Variants in ZNF423 observed in about 807,000 individuals in gnomAD.
The protein encoded by ZNF423 is Ebf-associated zinc finger protein.
In ZNF423, 12 loss-of-function variants were observed where a neutral mutation model predicts 95.8. That is an observed-to-expected ratio of 0.13 (90% CI 0.08 to 0.20). The LOEUF (loss-of-function observed/expected upper bound fraction) is 0.20. ZNF423 is among the 10% of genes least tolerant of loss of function. The probability of loss-of-function intolerance (pLI) is 1.00; values close to 1 mark genes in which losing one functional copy is unlikely to be tolerated. For synonymous variants in ZNF423, 749 were observed against 711.9 expected (o/e 1.05, Z -0.83); for missense variants, 1,316 against 1,737.1 (o/e 0.76, Z 4.31).
At chr16:49,517,765 C>G in intron 7 of ZNF423, 1 of 321,256 alleles carries the variant, frequency 3.1e-6, no homozygotes. Context: ...GAAGTTATCA[C>G]TTGGGCTACT....
intron 1 of ZNF423, among the ~76,000 whole-genome samples, chr16:49,814,713 C>T (rs1463727510): frequency 6.6e-6 from 1 of 151,498 alleles, no homozygotes; most frequent in Non-Finnish European, 1.5e-5. Context: ...AAAATTAATC[C>T]GCAATGAGTT....
At chr16:49,745,140 G>A (rs2033495796) in intron 2 of ZNF423, among the ~76,000 whole-genome samples, 1 of 152,040 alleles carries the variant, frequency 6.6e-6, no homozygotes, top group South Asian at 2.1e-4. Context: ...TTCCATGCAG[G>A]AAAGGTTATT....
At chr16:49,845,665 T>C (rs1216660043) in intron 1 of ZNF423, among the ~76,000 whole-genome samples, 1 of 151,908 alleles carries the variant, frequency 6.6e-6, no homozygotes, top group Non-Finnish European at 1.5e-5. Flanking sequence ...CTTAGCCTCC[T>C]AAGTAGCTGG....
chr16:49,585,520 T>A (rs1240355396), intron 5 of ZNF423, among the ~76,000 whole-genome samples: 1 of 152,226 alleles, frequency 6.6e-6, no homozygotes, highest in Admixed American at 6.5e-5. Context: ...TTTGTTCATG[T>A]GTGAGATGCA....
intron 3 of ZNF423, among the ~76,000 whole-genome samples, chr16:49,687,160 C>G (rs1299656170): frequency 1.3e-5 from 2 of 152,174 alleles, no homozygotes; most frequent in Admixed American, 1.3e-4. Flanking sequence ...TTAACATCCA[C>G]TAATAAACAG....
At chr16:49,498,892 G>A (rs1967269429) in intron 7 of ZNF423, among the ~76,000 whole-genome samples, 1 of 152,212 alleles carries the variant, frequency 6.6e-6, no homozygotes, top group Non-Finnish European at 1.5e-5. Flanking sequence ...CTGACAAACG[G>A]TAAGCATACT....
intron 2 of ZNF423, among the ~76,000 whole-genome samples, chr16:49,777,053 C>A (rs1384866367): frequency 1.3e-5 from 2 of 152,100 alleles, no homozygotes; most frequent in Non-Finnish European, 2.9e-5. Flanking sequence ...TGTGAACACA[C>A]TCCTGTATGC....
At position 49,491,193 on chromosome 16, in the gene ZNF423, G is replaced by T; in HGVS notation, c.*82C>A. The T allele has an allele frequency of 6.4e-7, 1 of 1,557,614 alleles. No homozygotes were observed. Among genetic ancestry groups the T allele is most frequent in the Non-Finnish European group, 8.9e-7 (1 of 1,129,564 alleles). Reference sequence around the variant, plus strand: ...ACATCTGGGTTGCAAATGACACTTTGATTGGATGTAATGTTCAAATGGCCC... The same window carrying T: ...ACATCTGGGTTGCAAATGACACTTTTATTGGATGTAATGTTCAAATGGCCC... On this transcript the variant is annotated 3_prime_UTR_variant, in exon 8 of 8. Transcript: ENST00000563137.
chr16:49,822,733 G>T, intron 1 of ZNF423: 1 of 1,601,422 alleles, frequency 6.2e-7, no homozygotes, highest in Non-Finnish European at 8.5e-7. Context: ...TCTCCAGGAA[G>T]TTTTCCTGGG....
intron 5 of ZNF423, among the ~76,000 whole-genome samples, chr16:49,604,682 A>G (rs1301718224): frequency 5.3e-5 from 8 of 151,848 alleles, no homozygotes; most frequent in Non-Finnish European, 1.2e-4. Flanking sequence ...CCCTGTCCCA[A>G]CTTCCAGTCT....
At chr16:49,493,348 C>G (rs554817244) in intron 7 of ZNF423, among the ~76,000 whole-genome samples, 1 of 152,192 alleles carries the variant, frequency 6.6e-6, no homozygotes, top group Non-Finnish European at 1.5e-5. Context: ...CACACAGCCA[C>G]GCACCTCTCA....
chr16:49,655,184 A>T (rs1398147707), intron 3 of ZNF423, among the ~76,000 whole-genome samples: 2 of 152,174 alleles, frequency 1.3e-5, no homozygotes, highest in African/African-American at 2.4e-5. Flanking sequence ...CTTGGGTATC[A>T]GTGGGAGAAG....
intron 1 of ZNF423, among the ~76,000 whole-genome samples, chr16:49,836,205 C>T (rs2035118239): frequency 6.6e-6 from 1 of 152,188 alleles, no homozygotes; most frequent in South Asian, 2.1e-4. Context: ...GGCCTTGAAC[C>T]TTGCTGGGTG....
intron 1 of ZNF423, among the ~76,000 whole-genome samples, chr16:49,842,192 C>T (rs765988829): frequency 2.8e-5 from 4 of 142,564 alleles, no homozygotes; most frequent in Non-Finnish European, 6.1e-5. Flanking sequence ...GAACCGAGAT[C>T]GTGGCACTGC....
chr16:49,657,183 G>A (rs2029920557), intron 3 of ZNF423, among the ~76,000 whole-genome samples: 1 of 152,240 alleles, frequency 6.6e-6, no homozygotes, highest in Non-Finnish European at 1.5e-5. Context: ...GACTTCCACA[G>A]ACAAGCGGCA....
intron 1 of ZNF423, among the ~76,000 whole-genome samples, chr16:49,843,351 T>C (rs1430331398): frequency 1.3e-5 from 2 of 152,228 alleles, no homozygotes; most frequent in Admixed American, 6.5e-5. Flanking sequence ...CAGATTTATA[T>C]ACTCTAGGTG....
chr16:49,832,128 G>A (rs2035067270), intron 1 of ZNF423, among the ~76,000 whole-genome samples: 1 of 152,218 alleles, frequency 6.6e-6, no homozygotes, highest in East Asian at 1.9e-4. Context: ...GTCATCTGGG[G>A]TGTGGGGCAG....
In ZNF423 at chr16:49,734,877, C is replaced by A. The variant is rs191403459; in HGVS notation, c.101-3906G>T. On this transcript the variant is annotated intron_variant, in intron 2 of 7. Coordinates refer to ENST00000563137, the MANE Select transcript of ZNF423 (RefSeq NM_001379286.1). ...CTCAATGCTTAATCAAGTGCAGGCA[C>A]CTTATGAGTTGATGTCATCATATCC... Among the ~76,000 whole-genome samples, 50 of 152,286 alleles carry A rather than the reference C, an allele frequency of 3.3e-4. 2 individuals carry two copies. The highest frequency in any genetic ancestry group is 1.1e-3 in the African/African-American group (47 of 41,552).
chr16:49,579,925 C>T (rs1970615427), intron 5 of ZNF423, among the ~76,000 whole-genome samples: 1 of 152,074 alleles, frequency 6.6e-6, no homozygotes, highest in Non-Finnish European at 1.5e-5. Flanking sequence ...GTCCACCTAC[C>T]TTTCAAATTA....
Sources: allele counts gnomAD v4.1 joint callset (sites outside exome capture counted in the v4.1 genomes callset), GRCh38; gene constraint gnomAD v4.1.1; transcripts MANE v1.5; gene names NCBI Gene and HGNC (gene_info 2026-07-23, HGNC 2026-07-21).